The following MAP2K4 variants were observed in gnomAD, a reference collection of about 807,000 sequenced individuals.
The protein encoded by MAP2K4 is mitogen-activated protein kinase kinase 4.
MAP2K4 carries 4 observed loss-of-function variants against 48.5 expected under a neutral mutation model. The ratio of observed to expected loss-of-function variants is 0.08; its 90% CI spans 0.04 to 0.19. MAP2K4 has a LOEUF of 0.19. Ranked by LOEUF, MAP2K4 falls within the 10% of genes least tolerant of loss-of-function variation. The probability of loss-of-function intolerance (pLI) is 1.00; values close to 1 mark genes in which losing one functional copy is unlikely to be tolerated. For missense variants in MAP2K4, 258 were observed against 493.3 expected (o/e 0.52, Z 4.52); for synonymous variants, 166 against 173.1 (o/e 0.96, Z 0.32).
rs1597395139 is a variant in MAP2K4, at chr17:12,032,210, A to G, written c.115+11209A>G. ...TATAAAAATGCAATGTCATGTTCCA[A>G]TTTTGGTTTGTTTGATTTACAGTAA... On this transcript the variant is annotated intron_variant, in intron 1 of 10. Transcript: ENST00000353533. 16 of 934,298 alleles carry G rather than the reference A, an allele frequency of 1.7e-5. No homozygotes were observed. In the East Asian group the frequency reaches 3.1e-4, roughly 18 times the overall value. The allele number at this position is 934,298 out of a possible 1,614,324, so 57.9% of individuals were successfully genotyped here. A position where few individuals can be genotyped will look rare whatever the true frequency, so the allele number is the denominator to read the frequency against.
intron 1 of MAP2K4, among the ~76,000 whole-genome samples, chr17:12,023,928 AT>A (rs1567620550): frequency 2.0e-5 from 3 of 152,202 alleles, no homozygotes; most frequent in African/African-American, 4.8e-5. Flanking sequence ...TGCAATACAC[AT>A]TAGCCATCAT....
chr17:12,110,394 A>G lies in MAP2K4; in HGVS notation c.653A>G (p.His218Arg). Residue 218 changes from histidine to arginine, a missense_variant, in exon 6 of 11, where the codon CAC becomes CGC. Physicochemically the swap from His to Arg is conservative, Grantham distance 29 (BLOSUM62 0). Around this residue, in one of 3 missense-constraint regions of MAP2K4, gnomAD observed 132 missense variants for 352.8 expected, o/e 0.37. Coordinates refer to ENST00000353533, the MANE Select transcript of MAP2K4 (RefSeq NM_003010.4). ...CCCTAGACTGTGAAAGCACTAAACC[A>G]CTTAAAAGAAAACTTGAAAATTATT... The part of the protein sequence containing the change: ...ITLATVKALN[H>R]LKENLKIIHR... 1 of 1,610,980 alleles carries G rather than the reference A, an allele frequency of 6.2e-7. No homozygotes were observed. Among genetic ancestry groups the G allele is most frequent in the Non-Finnish European group, 8.5e-7 (1 of 1,177,754 alleles).
intron 1 of MAP2K4, among the ~76,000 whole-genome samples, chr17:12,052,128 T>A (rs1236410092): frequency 1.3e-5 from 2 of 152,190 alleles, no homozygotes; most frequent in African/African-American, 4.8e-5. Flanking sequence ...CCCAGCAAGG[T>A]AACTTGATCA....
At chr17:12,049,640 G>A (rs1438770439) in intron 1 of MAP2K4, among the ~76,000 whole-genome samples, 3 of 152,160 alleles carry the variant, frequency 2.0e-5, no homozygotes, top group African/African-American at 4.8e-5. Flanking sequence ...TTCAAACTCA[G>A]GGTAGCTTTC....
intron 1 of MAP2K4, among the ~76,000 whole-genome samples, chr17:12,038,571 A>G (rs969222649): frequency 6.6e-6 from 1 of 152,186 alleles, no homozygotes; most frequent in African/African-American, 2.4e-5. Flanking sequence ...ATCCTTAAAG[A>G]TGAATTAAAT....
intron 1 of MAP2K4, among the ~76,000 whole-genome samples, chr17:12,041,083 C>T (rs1157831102): frequency 6.6e-6 from 1 of 152,220 alleles, no homozygotes; most frequent in Non-Finnish European, 1.5e-5. Context: ...TCTTTGAGTG[C>T]CATTCACGCT....
intron 1 of MAP2K4, among the ~76,000 whole-genome samples, chr17:12,050,366 G>A (rs1004726341): frequency 6.6e-6 from 1 of 152,164 alleles, no homozygotes; most frequent in African/African-American, 2.4e-5. Context: ...AAAATTTAAA[G>A]CAGAAAATTG....
At chr17:12,105,332 T>G (rs558679528) in intron 4 of MAP2K4, among the ~76,000 whole-genome samples, 1 of 152,196 alleles carries the variant, frequency 6.6e-6, no homozygotes, top group Non-Finnish European at 1.5e-5. Context: ...GTTATTGTTA[T>G]GTCCTTTAGT....
chr17:12,114,497 A>T (rs1028896873), intron 7 of MAP2K4, among the ~76,000 whole-genome samples: 23 of 151,858 alleles, frequency 1.5e-4, no homozygotes, highest in Non-Finnish European at 2.2e-4. Flanking sequence ...TTCTTGACTC[A>T]GTTTGGAAGA....
chr17:12,127,398 C>T (rs1206712327), intron 8 of MAP2K4, among the ~76,000 whole-genome samples: 1 of 152,138 alleles, frequency 6.6e-6, no homozygotes, highest in Non-Finnish European at 1.5e-5. Context: ...ATTTACAATT[C>T]AGAAATACTT....
chr17:12,118,190 G>A (rs985179242), intron 7 of MAP2K4, among the ~76,000 whole-genome samples: 1 of 152,182 alleles, frequency 6.6e-6, no homozygotes, highest in Non-Finnish European at 1.5e-5. Context: ...TATTGATGAT[G>A]AAAATTCAAC....
intron 4 of MAP2K4, among the ~76,000 whole-genome samples, chr17:12,099,332 C>T (rs563356940): frequency 6.6e-6 from 1 of 152,096 alleles, no homozygotes; most frequent in Non-Finnish European, 1.5e-5. Flanking sequence ...TGCTATTATA[C>T]ATAGTGCTGC....
intron 4 of MAP2K4, among the ~76,000 whole-genome samples, chr17:12,101,759 C>A (rs543812253): frequency 6.6e-6 from 1 of 152,040 alleles, no homozygotes; most frequent in East Asian, 1.9e-4. Context: ...GCTAGAGTTG[C>A]CCTTAAGTGT....
rs543336428 is a variant in MAP2K4 at position 12,052,915 on chromosome 17, T to C, written c.116-1974T>C. The stretch of plus-strand genomic sequence containing the variant: ...GCCCCAAATATTCATATCCTTCCCA[T>C]GTGCAAAATACATTTACCCTACCCC... On this transcript the variant is annotated intron_variant, in intron 1 of 10. Coordinates refer to ENST00000353533, the MANE Select transcript of MAP2K4 (RefSeq NM_003010.4). 3.9e-5 allele frequency among the ~76,000 whole-genome samples: 6 copies of C among 152,154 alleles called. No homozygotes were observed. The East Asian group carries it at 1.2e-3, about 29-fold the overall frequency.
At chr17:12,138,804 T>A (rs1973287706) in intron 9 of MAP2K4, among the ~76,000 whole-genome samples, 1 of 152,206 alleles carries the variant, frequency 6.6e-6, no homozygotes, top group African/African-American at 2.4e-5. Flanking sequence ...TGCAGTGCCA[T>A]GTCATTGAAG....
chr17:12,108,005 A>G (rs1193181561), intron 5 of MAP2K4, 96 bp downstream of exon 5: 2 of 1,100,728 alleles, frequency 1.8e-6, no homozygotes, highest in Admixed American at 2.9e-5. Context: ...CACTCACAGT[A>G]CCTTCCTGAA....
chr17:12,077,391 T>C (rs192958613), intron 2 of MAP2K4, among the ~76,000 whole-genome samples: 1 of 152,330 alleles, frequency 6.6e-6, no homozygotes, highest in African/African-American at 2.4e-5. Context: ...TTAATTAAAA[T>C]TAAGTTTGTT....
chr17:12,073,182 T>A (rs1286245749), intron 2 of MAP2K4, among the ~76,000 whole-genome samples: 1 of 152,208 alleles, frequency 6.6e-6, no homozygotes. Flanking sequence ...AGGGATTCTT[T>A]TATAGCAGAG....
At chr17:12,060,607 T>A (rs1394603927) in intron 2 of MAP2K4, among the ~76,000 whole-genome samples, 12 of 152,212 alleles carry the variant, frequency 7.9e-5, no homozygotes. Flanking sequence ...GCAATCATGA[T>A]ACTGTGAAAT....
Sources: allele counts gnomAD v4.1 joint callset (sites outside exome capture counted in the v4.1 genomes callset), GRCh38; gene constraint gnomAD v4.1.1; regional missense constraint gnomAD v4.1.1; transcripts MANE v1.5; gene names NCBI Gene and HGNC (gene_info 2026-07-23, HGNC 2026-07-21).